Variants in CFAP47 observed in about 807,000 individuals in gnomAD.
CFAP47 encodes cilia- and flagella-associated protein 47.
In CFAP47, 29 loss-of-function variants were observed where a neutral mutation model predicts 148.1. The ratio of observed to expected loss-of-function variants is 0.20; its 90% CI spans 0.15 to 0.27. The LOEUF (loss-of-function observed/expected upper bound fraction) is 0.27, where lower values mean the gene tolerates loss of function less well. Ranked by LOEUF, CFAP47 falls within the 10% of genes least tolerant of loss-of-function variation. The probability of loss-of-function intolerance (pLI) is 1.00; values close to 1 mark genes in which losing one functional copy is unlikely to be tolerated. For missense variants in CFAP47, 1,872 were observed against 1,697.5 expected (o/e 1.10, Z -1.81); for synonymous variants, 664 against 577.3 (o/e 1.15, Z -2.15).
chrX:36,247,046 T>C (rs1297263731), intron 48 of CFAP47, among the ~76,000 whole-genome samples: 1 of 111,408 alleles, frequency 9.0e-6, no homozygotes. Flanking sequence ...AGTGGTGGAT[T>C]GGATAGAGAA....
chrX:35,960,720 AT>A (rs1936318908), intron 8 of CFAP47, among the ~76,000 whole-genome samples: 2 of 111,623 alleles, frequency 1.8e-5, no homozygotes, highest in Non-Finnish European at 3.8e-5. Context: ...TTGACCTTGT[AT>A]TCTGCAAATT....
At chrX:36,099,525 G>T (rs1042904062) in intron 31 of CFAP47, among the ~76,000 whole-genome samples, 1 of 106,594 alleles carries the variant, frequency 9.4e-6, no homozygotes, top group African/African-American at 3.4e-5. Flanking sequence ...CACTTATTCT[G>T]CAGAGTGATC....
intron 29 of CFAP47, among the ~76,000 whole-genome samples, chrX:36,084,534 C>G (rs1395008025): frequency 9.0e-6 from 1 of 111,666 alleles, no homozygotes; most frequent in Non-Finnish European, 1.9e-5. Flanking sequence ...AACTGCCATT[C>G]AAAATGGCCT....
rs1556019252 is a variant in CFAP47 at position 36,361,519 on chromosome X, T to C, written c.9023+18T>C. ...CCATTAAGGTAAATCTACTTTCCTCTTTTTTATTTAAACAATAGTATTACC... is the reference window on the plus strand; with the variant it reads ...CCATTAAGGTAAATCTACTTTCCTCCTTTTTATTTAAACAATAGTATTACC... On this transcript the variant is annotated intron_variant, in intron 61 of 63. Coordinates refer to ENST00000378653, the MANE Select transcript of CFAP47 (RefSeq NM_001304548.2). The C allele has an allele frequency of 1.2e-6, 1 of 850,838 alleles. No individual in the cohort carries two copies. Among genetic ancestry groups the C allele is most frequent in the East Asian group, 3.6e-5 (1 of 27,662 alleles). The allele number at this position is 850,838 out of a possible 1,213,427, so 70.1% of individuals were successfully genotyped here.
intron 29 of CFAP47, among the ~76,000 whole-genome samples, chrX:36,080,618 A>C (rs1730100036): frequency 8.9e-6 from 1 of 111,904 alleles, no homozygotes; most frequent in Non-Finnish European, 1.9e-5. Flanking sequence ...GGATGAGTTC[A>C]TGTCCTTTGC....
chrX:36,298,934 G>A, intron 51 of CFAP47, 43 bp from the exon 52 acceptor site: 10 of 862,519 alleles, frequency 1.2e-5, no homozygotes, highest in Non-Finnish European at 1.5e-5. Flanking sequence ...ATGACTCCAT[G>A]CTGACACTAA....
chrX:36,240,305 A>G (rs1425214861), intron 48 of CFAP47, among the ~76,000 whole-genome samples: 5 of 112,083 alleles, frequency 4.5e-5, no homozygotes, highest in Non-Finnish European at 7.5e-5. Flanking sequence ...GGGGACCTAC[A>G]CGTTGAATTA....
intron 29 of CFAP47, among the ~76,000 whole-genome samples, chrX:36,081,132 C>G (rs762504605): frequency 2.3e-4 from 26 of 110,933 alleles, no homozygotes; most frequent in Admixed American, 3.8e-4. Flanking sequence ...AGAGAATATA[C>G]AAATAAGCAC....
At position 36,286,510 on chromosome X, in the gene CFAP47, G is replaced by A. The variant is rs782504880; in HGVS notation, c.7686+784G>A. The stretch of plus-strand genomic sequence containing the variant: ...GATTTCTGGGTAAATCTCCATTTAG[G>A]CATAGAAGATGAATGATTAAAATTT... On this transcript the variant is annotated intron_variant, in intron 51 of 63. Coordinates refer to ENST00000378653, the MANE Select transcript of CFAP47 (RefSeq NM_001304548.2). 1.6e-3 allele frequency among the ~76,000 whole-genome samples: 171 copies of A among 110,309 alleles called. 1 individual carries two copies. The highest frequency in any genetic ancestry group is 5.1e-3 in the African/African-American group (157 of 30,566).
At position 36,053,902 on chromosome X, in the gene CFAP47, G is replaced by A. The variant is rs181177544; in HGVS notation, c.4217+6839G>A. On this transcript the variant is annotated intron_variant, in intron 26 of 63. Transcript: ENST00000378653. ...CCCAGATTATTAAAATTATAGTACT[G>A]TTAACACCAGGTAGCAGAATAAAAG... 5.9e-3 allele frequency among the ~76,000 whole-genome samples: 665 copies of A among 112,370 alleles called. 2 individuals carry two copies. The highest frequency in any genetic ancestry group is 9.1e-3 in the Non-Finnish European group (483 of 53,268).
chrX:36,160,667 T>C lies in CFAP47; in HGVS notation c.5938-14T>C, dbSNP rs1939419052. 3 of 290,480 alleles carry C rather than the reference T, an allele frequency of 1.0e-5. No individual in the cohort carries two copies. Among genetic ancestry groups the C allele is most frequent in the Non-Finnish European group, 1.8e-5 (3 of 167,247 alleles). The allele number at this position is 290,480 out of a possible 1,213,427, so 23.9% of individuals were successfully genotyped here. A position where few individuals can be genotyped will look rare whatever the true frequency, so the allele number is the denominator to read the frequency against. ...GTTATTATCATGTGGTAAGACTTTA[T>C]TTTTTTACTTTAGGACATTATAAAA... On this transcript the variant is annotated splice_polypyrimidine_tract_variant and intron_variant, in intron 38 of 63. Coordinates refer to ENST00000378653, the MANE Select transcript of CFAP47 (RefSeq NM_001304548.2).
At chrX:36,369,656 A>C (rs1259475435) in intron 62 of CFAP47, among the ~76,000 whole-genome samples, 1 of 111,496 alleles carries the variant, frequency 9.0e-6, no homozygotes, top group Admixed American at 9.6e-5. Context: ...ATGTTGACTG[A>C]TACTGCCTCC....
intron 57 of CFAP47, among the ~76,000 whole-genome samples, chrX:36,341,227 G>A (rs1941650604): frequency 9.1e-6 from 1 of 109,406 alleles, no homozygotes; most frequent in African/African-American, 3.3e-5. Flanking sequence ...AGTAGAGACA[G>A]CGTTTCCCCA....
chrX:35,943,430 C>T (rs1490579437), intron 3 of CFAP47, among the ~76,000 whole-genome samples: 1 of 111,327 alleles, frequency 9.0e-6, no homozygotes, highest in Non-Finnish European at 1.9e-5. Flanking sequence ...TATAGACCCC[C>T]AAAGTTTATG....
At chrX:36,114,975 C>G (rs751836109) in intron 33 of CFAP47, among the ~76,000 whole-genome samples, 1 of 111,936 alleles carries the variant, frequency 8.9e-6, no homozygotes, top group Non-Finnish European at 1.9e-5. Flanking sequence ...GAGGCCCCTA[C>G]TGGTGACTCT....
intron 23 of CFAP47, among the ~76,000 whole-genome samples, chrX:36,032,403 T>C (rs1483481125): frequency 9.1e-6 from 1 of 110,394 alleles, no homozygotes; most frequent in African/African-American, 3.3e-5. Flanking sequence ...GAAGACGTAA[T>C]ATGTTTATGG....
At chrX:36,085,676 C>T in intron 30 of CFAP47, 138 bp downstream of exon 30, 1 of 288,906 alleles carries the variant, frequency 3.5e-6, no homozygotes, top group South Asian at 7.5e-5. Context: ...CATAAATATA[C>T]ACACACGTAT....
chrX:36,183,265 G>A (rs986272324), intron 40 of CFAP47, among the ~76,000 whole-genome samples: 2 of 111,224 alleles, frequency 1.8e-5, no homozygotes, highest in African/African-American at 6.6e-5. Context: ...GTTGCAGTGA[G>A]ATGAGATTGC....
intron 45 of CFAP47, among the ~76,000 whole-genome samples, chrX:36,224,341 A>G (rs1940246284): frequency 9.0e-6 from 1 of 111,691 alleles, no homozygotes; most frequent in Admixed American, 9.5e-5. Context: ...AACTGAAAAA[A>G]AGTGTTTTAA....
Sources: allele counts gnomAD v4.1 joint callset (sites outside exome capture counted in the v4.1 genomes callset), GRCh38; gene constraint gnomAD v4.1.1; transcripts MANE v1.5; gene names NCBI Gene and HGNC (gene_info 2026-07-23, HGNC 2026-07-21).